The following CNTN6 variants were observed in gnomAD, a reference collection of about 807,000 sequenced individuals.
CNTN6 encodes the protein contactin 6.
Under a neutral mutation model 122.8 loss-of-function variants are expected in CNTN6, and 137 were observed. That is an observed-to-expected ratio of 1.12 (90% CI 0.97 to 1.29). CNTN6 has a LOEUF of 1.29. Ranked by LOEUF, CNTN6 falls within the 50% of genes most tolerant of loss-of-function variation. The pLI is 0.00. For missense variants in CNTN6, 1,634 were observed against 1,223.4 expected, an observed-to-expected ratio of 1.34 and a Z score of -5.01; for synonymous variants, 570 against 426.0, an observed-to-expected ratio of 1.34 and a Z score of -4.16.
rs262803 is a variant in CNTN6, at chr3:1,294,857, A to G, written c.455-744A>G. Among the ~76,000 whole-genome samples the G allele has an allele frequency of 9.7e-3, 1,473 of 152,326 alleles. 29 individuals are homozygous for G. The highest frequency in any genetic ancestry group is 0.033 in the African/African-American group (1,386 of 41,580). ...GTTATCCTTCATTGAGATTACTCACATTATTGGCAATTAGCAGTAACTGGT... is the reference window on the plus strand; with the variant it reads ...GTTATCCTTCATTGAGATTACTCACGTTATTGGCAATTAGCAGTAACTGGT... On this transcript the variant is annotated intron_variant, in intron 5 of 22. Transcript: ENST00000446702.
intron 4 of CNTN6, among the ~76,000 whole-genome samples, chr3:1,275,898 G>A (rs891798264): frequency 3.3e-5 from 5 of 152,178 alleles, no homozygotes; most frequent in African/African-American, 1.2e-4. Flanking sequence ...CTCCTGCTGC[G>A]TGGTTTTGGG....
chr3:1,165,281 C>G (rs184973418), intron 2 of CNTN6, among the ~76,000 whole-genome samples: 11 of 152,210 alleles, frequency 7.2e-5, no homozygotes, highest in Non-Finnish European at 1.2e-4. Flanking sequence ...TAGGCTGTTG[C>G]GGAAGACTCT....
chr3:1,333,878 C>T (rs1176066225), intron 11 of CNTN6, among the ~76,000 whole-genome samples: 1 of 152,104 alleles, frequency 6.6e-6, no homozygotes, highest in Non-Finnish European at 1.5e-5. Flanking sequence ...ACGTCTTTTC[C>T]TCTCTATGGA....
chr3:1,103,829 G>A (rs9826612), intron 1 of CNTN6, among the ~76,000 whole-genome samples: 24,732 of 151,752 alleles, frequency 0.16, 6,771 homozygotes, highest in African/African-American at 0.57. Context: ...ATATCTTTAG[G>A]TATCCAAAAA....
intron 7 of CNTN6, among the ~76,000 whole-genome samples, chr3:1,307,356 A>T (rs1307263856): frequency 6.6e-6 from 1 of 152,126 alleles, no homozygotes; most frequent in Non-Finnish European, 1.5e-5. Context: ...AGAAATGGAA[A>T]ATTATTTCTT....
At chr3:1,316,168 T>C (rs1292681545) in intron 7 of CNTN6, among the ~76,000 whole-genome samples, 1 of 149,590 alleles carries the variant, frequency 6.7e-6, no homozygotes, top group Non-Finnish European at 1.5e-5. Flanking sequence ...AATTGTGTAC[T>C]ATTACTAATT....
intron 12 of CNTN6, among the ~76,000 whole-genome samples, chr3:1,360,800 A>G (rs1271746257): frequency 6.6e-6 from 1 of 152,028 alleles, no homozygotes; most frequent in Non-Finnish European, 1.5e-5. Context: ...AATTTACTAT[A>G]TCCTAACCTT....
chr3:1,297,719 G>T (rs1696508726), intron 6 of CNTN6, among the ~76,000 whole-genome samples, 170 bp from the exon 7 acceptor site: 1 of 150,472 alleles, frequency 6.6e-6, no homozygotes, highest in South Asian at 2.1e-4. Flanking sequence ...CTAGAAAAGT[G>T]TCTTTTTTGA....
intron 4 of CNTN6, among the ~76,000 whole-genome samples, chr3:1,248,394 C>T (rs1304956051): frequency 6.6e-6 from 1 of 152,110 alleles, no homozygotes; most frequent in Non-Finnish European, 1.5e-5. Flanking sequence ...AAGTACCAAC[C>T]TTCCTACAGT....
rs182220391 is a variant in CNTN6 at position 1,218,703 on chromosome 3, A to G, written c.56-1984A>G. On this transcript the variant is annotated intron_variant, in intron 2 of 22. Transcript: ENST00000446702. ...AAACAGAGGACAACTGTAAATCACCATAAATGAACACATCACACACGTATA... is the reference window on the plus strand; with the variant it reads ...AAACAGAGGACAACTGTAAATCACCGTAAATGAACACATCACACACGTATA... Among the ~76,000 whole-genome samples the G allele has an allele frequency of 2.4e-3, 368 of 152,314 alleles. 1 individual carries two copies. Among genetic ancestry groups the G allele is most frequent in the African/African-American group, 8.4e-3 (348 of 41,582 alleles).
intron 12 of CNTN6, among the ~76,000 whole-genome samples, chr3:1,364,659 C>G (rs1011390939): frequency 1.3e-5 from 2 of 151,848 alleles, no homozygotes; most frequent in African/African-American, 4.8e-5. Context: ...GAGAAGCAGT[C>G]CCATTTTTAA....
At chr3:1,300,359 A>G (rs1336528231) in intron 7 of CNTN6, among the ~76,000 whole-genome samples, 1 of 151,902 alleles carries the variant, frequency 6.6e-6, no homozygotes, top group Non-Finnish European at 1.5e-5. Context: ...CAGAGGGGGT[A>G]TGAATTCTCA....
intron 12 of CNTN6, among the ~76,000 whole-genome samples, chr3:1,363,396 C>A (rs1223185209): frequency 6.6e-6 from 1 of 151,880 alleles, no homozygotes. Context: ...TAACTTTGTA[C>A]CTTTGACCAG....
intron 2 of CNTN6, among the ~76,000 whole-genome samples, chr3:1,218,465 G>A (rs542315983): frequency 1.3e-5 from 2 of 152,260 alleles, no homozygotes; most frequent in South Asian, 4.2e-4. Flanking sequence ...GTCAGAATCT[G>A]AGTGAGGTGA....
At chr3:1,359,029 C>T (rs779077828) in intron 12 of CNTN6, among the ~76,000 whole-genome samples, 4 of 152,040 alleles carry the variant, frequency 2.6e-5, no homozygotes, top group Non-Finnish European at 5.9e-5. Flanking sequence ...CACTGTACTC[C>T]AGCCTAGGCA....
intron 9 of CNTN6, 127 bp from the exon 10 acceptor site, chr3:1,327,330 G>T: frequency 1.0e-6 from 1 of 986,804 alleles, no homozygotes; most frequent in East Asian, 2.7e-5. Context: ...TCAGAATCTA[G>T]TAGTGTATTA....
intron 5 of CNTN6, among the ~76,000 whole-genome samples, chr3:1,286,190 T>C (rs1242992176): frequency 6.6e-6 from 1 of 152,172 alleles, no homozygotes. Flanking sequence ...TAGGAAGTAA[T>C]TCTTTTTTTC....
intron 4 of CNTN6, among the ~76,000 whole-genome samples, chr3:1,243,026 G>T (rs958122955): frequency 1.3e-5 from 2 of 152,180 alleles, no homozygotes; most frequent in South Asian, 2.1e-4. Context: ...CTCGGCGTCC[G>T]TGATGGTCTA....
intron 12 of CNTN6, among the ~76,000 whole-genome samples, chr3:1,362,943 G>GA (rs1707685862): frequency 6.6e-6 from 1 of 151,460 alleles, no homozygotes; most frequent in Non-Finnish European, 1.5e-5. Context: ...ATATAACAAA[G>GA]AAAAAAGGAA....
Sources: allele counts gnomAD v4.1 joint callset (sites outside exome capture counted in the v4.1 genomes callset), GRCh38; gene constraint gnomAD v4.1.1; transcripts MANE v1.5; gene names NCBI Gene and HGNC (gene_info 2026-07-23, HGNC 2026-07-21).